RALGPS2: variants seen among roughly 807,000 people sequenced by gnomAD.
RALGPS2 encodes ras-specific guanine nucleotide-releasing factor RalGPS2.
RALGPS2 carries 43 observed loss-of-function variants against 86.8 expected under a neutral mutation model. The ratio of observed to expected loss-of-function variants is 0.50; its 90% CI spans 0.39 to 0.64. The LOEUF (loss-of-function observed/expected upper bound fraction) is 0.64, where lower values mean the gene tolerates loss of function less well. Among genes scored for constraint, RALGPS2 ranks in the 30% least tolerant of loss-of-function variants. The pLI is 0.00. For synonymous variants in RALGPS2, 243 were observed against 231.3 expected (o/e 1.05, Z -0.46); for missense variants, 536 against 694.6 (o/e 0.77, Z 2.57).
intron 4 of RALGPS2, among the ~76,000 whole-genome samples, chr1:178,793,776 T>C (rs923975042): frequency 7.2e-5 from 11 of 152,272 alleles, no homozygotes; most frequent in African/African-American, 2.4e-4. Flanking sequence ...TGATCTCCCA[T>C]TGTTTATCAT....
chr1:178,856,258 G>C (rs115993169), intron 8 of RALGPS2, among the ~76,000 whole-genome samples: 123 of 133,932 alleles, frequency 9.2e-4, no homozygotes, highest in Admixed American at 1.2e-3. Context: ...GTTTTTTTTG[G>C]AGCCTGTTTC....
At chr1:178,749,665 T>C (rs1196789729) in intron 1 of RALGPS2, among the ~76,000 whole-genome samples, 1 of 152,220 alleles carries the variant, frequency 6.6e-6, no homozygotes, top group African/African-American at 2.4e-5. Context: ...GATGAGGATC[T>C]TAGAAGTAGC....
At chr1:178,841,113 C>T (rs563931054) in intron 8 of RALGPS2, among the ~76,000 whole-genome samples, 2 of 151,686 alleles carry the variant, frequency 1.3e-5, no homozygotes, top group African/African-American at 2.4e-5. Flanking sequence ...CTATTCCAAT[C>T]AATAGAAAAA....
chr1:178,851,137 T>C (rs751143263), intron 8 of RALGPS2: 2 of 1,612,538 alleles, frequency 1.2e-6, no homozygotes, highest in African/African-American at 1.3e-5. Flanking sequence ...CTTCAGTCAA[T>C]AGGCTTGATC....
chr1:178,747,662 G>T, intron 1 of RALGPS2: 2 of 1,532,768 alleles, frequency 1.3e-6, no homozygotes, highest in Non-Finnish European at 1.8e-6. Flanking sequence ...TCAGCATTTT[G>T]CAGTTTAACA....
chr1:178,786,959 G>T (rs560657052), intron 4 of RALGPS2, among the ~76,000 whole-genome samples: 3 of 152,000 alleles, frequency 2.0e-5, no homozygotes, highest in African/African-American at 7.2e-5. Context: ...ATGATCGTCA[G>T]TTCCCATCAT....
chr1:178,791,287 AT>A (rs563179993), intron 4 of RALGPS2, among the ~76,000 whole-genome samples: 137 of 128,286 alleles, frequency 1.1e-3, no homozygotes, highest in Middle Eastern at 4.0e-3. Context: ...CACCTGCCTA[AT>A]TTTTTTTTTT....
chr1:178,855,940 A>G (rs1413170458), intron 8 of RALGPS2, among the ~76,000 whole-genome samples: 1 of 149,080 alleles, frequency 6.7e-6, no homozygotes. Context: ...GAATATATAT[A>G]CATTTTATAT....
intron 1 of RALGPS2, among the ~76,000 whole-genome samples, chr1:178,759,360 C>A (rs1652115056): frequency 6.6e-6 from 1 of 152,026 alleles, no homozygotes; most frequent in Non-Finnish European, 1.5e-5. Context: ...ATGTTCTTGG[C>A]ACCTTTGTTG....
chr1:178,736,595 G>A (rs1012359592), intron 1 of RALGPS2, among the ~76,000 whole-genome samples: 1 of 151,972 alleles, frequency 6.6e-6, no homozygotes, highest in Non-Finnish European at 1.5e-5. Flanking sequence ...TAATGAAATA[G>A]TTATACAAAA....
At chr1:178,842,784 G>A (rs1341624173) in intron 8 of RALGPS2, among the ~76,000 whole-genome samples, 9 of 149,686 alleles carry the variant, frequency 6.0e-5, no homozygotes, top group East Asian at 4.0e-4. Context: ...AGAATCTACA[G>A]TGAACTCAAA....
chr1:178,903,899 T>C (rs1019551360), intron 18 of RALGPS2, among the ~76,000 whole-genome samples: 1 of 152,136 alleles, frequency 6.6e-6, no homozygotes, highest in Non-Finnish European at 1.5e-5. Context: ...ATGGTAGTTC[T>C]ACTTTTAGTT....
chr1:178,883,318 GA>G, intron 10 of RALGPS2, 147 bp from the exon 11 acceptor site: 1 of 600,636 alleles, frequency 1.7e-6, no homozygotes, highest in Non-Finnish European at 2.9e-6. Flanking sequence ...CTCTTAAAAA[GA>G]AGAAGATTGC....
rs1656291663 is a variant in RALGPS2 at position 178,836,760 on chromosome 1, CTTCTT to C, written c.607+3217_607+3221del. Among the ~76,000 whole-genome samples the C allele has an allele frequency of 2.6e-5, 4 of 152,086 alleles. No homozygotes were observed. The South Asian group carries it at 8.3e-4, about 32-fold the overall frequency. On this transcript the variant is annotated intron_variant, in intron 8 of 19. Coordinates refer to ENST00000367635, the MANE Select transcript of RALGPS2 (RefSeq NM_152663.5). ...TGTATTCTTGAGAGGTCTCAGTCCA[CTTCTT>C]TTCTTTCTTTCTTTTTTTTATTTTT... is the stretch of plus-strand genomic sequence containing the variant.
chr1:178,787,252 A>G (rs894076589), intron 4 of RALGPS2, among the ~76,000 whole-genome samples: 2 of 152,108 alleles, frequency 1.3e-5, no homozygotes, highest in African/African-American at 4.8e-5. Flanking sequence ...TTTTGAATGA[A>G]CTGCAACAGT....
intron 18 of RALGPS2, among the ~76,000 whole-genome samples, chr1:178,904,785 C>T (rs1660324008): frequency 6.6e-6 from 1 of 152,114 alleles, no homozygotes. Flanking sequence ...TAGTGTGATG[C>T]CTCCAGATTT....
chr1:178,812,055 G>A (rs973409601), intron 6 of RALGPS2, among the ~76,000 whole-genome samples: 4 of 152,178 alleles, frequency 2.6e-5, no homozygotes, highest in Admixed American at 2.0e-4. Flanking sequence ...AAGGCCGGCA[G>A]CGATGTAACA....
chr1:178,906,770 T>A lies in RALGPS2; in HGVS notation c.1631-6T>A. 1 of 1,607,752 alleles carries A rather than the reference T, an allele frequency of 6.2e-7. No individual in the cohort carries two copies. Among genetic ancestry groups the A allele is most frequent in the Non-Finnish European group, 8.5e-7 (1 of 1,176,982 alleles). ...AATATTTCCCCCTTATTTTGGATAATTTTAGGAAATTCGTACAAGTTTCAA... is the reference window on the plus strand; with the variant it reads ...AATATTTCCCCCTTATTTTGGATAAATTTAGGAAATTCGTACAAGTTTCAA... On this transcript the variant is annotated splice_region_variant and splice_polypyrimidine_tract_variant and intron_variant, in intron 18 of 19. Coordinates refer to ENST00000367635, the MANE Select transcript of RALGPS2 (RefSeq NM_152663.5).
At chr1:178,894,105 TTAAAA>T (rs773557089) in intron 16 of RALGPS2, 81 bp downstream of exon 16, 19 of 818,010 alleles carry the variant, frequency 2.3e-5, no homozygotes, top group Admixed American at 5.5e-5. Flanking sequence ...ACTAAAACAA[TTAAAA>T]TAAAACCTGA....
Sources: gnomAD v4.1 joint callset for allele counts (sites outside exome capture counted in the v4.1 genomes callset) on GRCh38, gnomAD v4.1.1 for gene constraint, MANE v1.5 for transcripts, NCBI Gene and HGNC (gene_info 2026-07-23, HGNC 2026-07-21) for gene names.